The following GRIP1 variants were observed in gnomAD, a reference collection of about 807,000 sequenced individuals.
GRIP1 encodes glutamate receptor interacting protein 1.
A neutral mutation model predicts 129.9 loss-of-function variants in GRIP1; 45 were observed. That is an observed-to-expected ratio of 0.35 (90% CI 0.27 to 0.44). The LOEUF (loss-of-function observed/expected upper bound fraction) is 0.44. Ranked by LOEUF, GRIP1 falls within the 20% of genes least tolerant of loss-of-function variation. The pLI is 1.00. For missense variants in GRIP1, 1,196 were observed against 1,396.8 expected (o/e 0.86, Z 2.29); for synonymous variants, 530 against 520.8 (o/e 1.02, Z -0.24).
intron 1 of GRIP1, among the ~76,000 whole-genome samples, chr12:66,817,202 GCACACACACACACACACACA>G (rs57507955): frequency 7.3e-6 from 1 of 136,122 alleles, no homozygotes; most frequent in Admixed American, 7.7e-5. Context: ...TTTTCAGTAT[GCACACACACACACACACACA>G]CACACACACA....
chr12:66,995,529 T>C (rs1001634137), intron 1 of GRIP1, among the ~76,000 whole-genome samples: 11 of 151,922 alleles, frequency 7.2e-5, no homozygotes, highest in African/African-American at 2.7e-4. Context: ...AATGGGTAAA[T>C]AATCTCAACA....
intron 5 of GRIP1, among the ~76,000 whole-genome samples, chr12:66,527,812 G>A (rs182748123): frequency 6.6e-6 from 1 of 152,222 alleles, no homozygotes; most frequent in African/African-American, 2.4e-5. Context: ...TTTGAGGGTG[G>A]AGGTTGGAGG....
At chr12:66,827,855 T>C (rs2039446799) in intron 1 of GRIP1, among the ~76,000 whole-genome samples, 1 of 152,226 alleles carries the variant, frequency 6.6e-6, no homozygotes, top group African/African-American at 2.4e-5. Context: ...AAATAAATTC[T>C]TTTTCATAAA....
At chr12:67,048,558 T>C (rs2043291167) in intron 1 of GRIP1, among the ~76,000 whole-genome samples, 1 of 152,136 alleles carries the variant, frequency 6.6e-6, no homozygotes, top group South Asian at 2.1e-4. Context: ...CCTCCCAGAC[T>C]TAAGCAATCC....
At chr12:66,733,762 GAT>G (rs1425529382) in intron 1 of GRIP1, among the ~76,000 whole-genome samples, 1 of 152,082 alleles carries the variant, frequency 6.6e-6, no homozygotes, top group Non-Finnish European at 1.5e-5. Context: ...GAATAAAATG[GAT>G]ATGACATCCC....
intron 1 of GRIP1, among the ~76,000 whole-genome samples, chr12:66,989,707 A>G (rs964865672): frequency 6.6e-6 from 1 of 152,236 alleles, no homozygotes; most frequent in African/African-American, 2.4e-5. Context: ...ACAACAATAA[A>G]CACTGTCACT....
At chr12:66,486,972 A>T (rs1645672746) in intron 7 of GRIP1, among the ~76,000 whole-genome samples, 2 of 151,924 alleles carry the variant, frequency 1.3e-5, no homozygotes, top group Non-Finnish European at 2.9e-5. Context: ...TAATTTTTTA[A>T]TAGAAACAGG....
At chr12:66,452,037 A>C (rs1400859330) in intron 11 of GRIP1, among the ~76,000 whole-genome samples, 1 of 152,216 alleles carries the variant, frequency 6.6e-6, no homozygotes, top group East Asian at 1.9e-4. Flanking sequence ...TGATGACAAA[A>C]GCAGCAAAGA....
chr12:66,684,256 G>A (rs2034695602), intron 1 of GRIP1, among the ~76,000 whole-genome samples: 1 of 152,198 alleles, frequency 6.6e-6, no homozygotes, highest in African/African-American at 2.4e-5. Context: ...GGTTTGGTCA[G>A]AGAAATCATA....
intron 1 of GRIP1, among the ~76,000 whole-genome samples, chr12:67,049,317 C>T (rs945083199): frequency 6.6e-6 from 1 of 152,082 alleles, no homozygotes; most frequent in Non-Finnish European, 1.5e-5. Context: ...ATTTTGCCTC[C>T]GACATCTTAG....
chr12:66,981,475 G>T (rs1002161993), intron 1 of GRIP1, among the ~76,000 whole-genome samples: 1 of 152,128 alleles, frequency 6.6e-6, no homozygotes, highest in Admixed American at 6.6e-5. Flanking sequence ...TTAAACAACT[G>T]ATCCTGTTGT....
chr12:67,053,597 T>C (rs924214203), intron 1 of GRIP1, among the ~76,000 whole-genome samples: 5 of 152,182 alleles, frequency 3.3e-5, no homozygotes, highest in Non-Finnish European at 5.9e-5. Context: ...CCCAGCACTT[T>C]GGGAGGCTGA....
intron 1 of GRIP1, among the ~76,000 whole-genome samples, chr12:66,947,865 A>T (rs1158303787): frequency 6.6e-6 from 1 of 152,256 alleles, no homozygotes; most frequent in African/African-American, 2.4e-5. Flanking sequence ...CAACATTTGC[A>T]GCTGAAATGA....
chr12:66,652,175 C>T (rs1035637455), intron 1 of GRIP1, among the ~76,000 whole-genome samples: 4 of 152,118 alleles, frequency 2.6e-5, no homozygotes, highest in African/African-American at 9.7e-5. Context: ...TGTCCCCACC[C>T]AAATCTCATC....
At chr12:66,373,458 T>C (rs2055629394) in intron 22 of GRIP1, among the ~76,000 whole-genome samples, 1 of 152,216 alleles carries the variant, frequency 6.6e-6, no homozygotes, top group Non-Finnish European at 1.5e-5. Context: ...ACATTGGTAG[T>C]AAATGAGCCG....
chr12:66,478,046 A>G (rs1468891054), intron 7 of GRIP1, among the ~76,000 whole-genome samples: 1 of 152,240 alleles, frequency 6.6e-6, no homozygotes, highest in African/African-American at 2.4e-5. Context: ...ATTTAACTAA[A>G]GAGCTTCTGT....
chr12:66,376,231 C>T (rs1042986888), intron 22 of GRIP1, among the ~76,000 whole-genome samples: 1 of 152,138 alleles, frequency 6.6e-6, no homozygotes, highest in African/African-American at 2.4e-5. Context: ...ATTAGAATCA[C>T]ATAAAATAAC....
intron 1 of GRIP1, among the ~76,000 whole-genome samples, chr12:66,830,759 C>A (rs1031039309): frequency 6.6e-6 from 1 of 151,768 alleles, no homozygotes; most frequent in African/African-American, 2.4e-5. Context: ...TCCAAGGTCA[C>A]ACAGCTGCTA....
intron 1 of GRIP1, among the ~76,000 whole-genome samples, chr12:66,881,461 G>A (rs1197440894): frequency 6.6e-6 from 1 of 152,086 alleles, no homozygotes; most frequent in Non-Finnish European, 1.5e-5. Flanking sequence ...TATAACTTAA[G>A]AGCTCTACTT....
Sources: gnomAD v4.1 joint callset for allele counts (sites outside exome capture counted in the v4.1 genomes callset) on GRCh38, gnomAD v4.1.1 for gene constraint, MANE v1.5 for transcripts, NCBI Gene and HGNC (gene_info 2026-07-23, HGNC 2026-07-21) for gene names.